CDH23: variants seen among roughly 807,000 people sequenced by gnomAD.
CDH23 encodes the protein cadherin-23.
CDH23 carries 189 observed loss-of-function variants against 317.1 expected under a neutral mutation model. The ratio of observed to expected loss-of-function variants is 0.60; its 90% CI spans 0.53 to 0.67. The LOEUF is 0.67. Ranked by LOEUF, CDH23 falls within the 30% of genes least tolerant of loss-of-function variation. The pLI, the probability that CDH23 is intolerant of heterozygous loss-of-function variation, is 0.00. For missense variants in CDH23, 4,401 were observed against 4,592.4 expected (o/e 0.96, Z 1.20); for synonymous variants, 1,839 against 1,876.8 (o/e 0.98, Z 0.52).
At chr10:71,696,446 G>A (rs571037328) in intron 22 of CDH23, among the ~76,000 whole-genome samples, 2 of 152,228 alleles carry the variant, frequency 1.3e-5, no homozygotes, top group African/African-American at 2.4e-5. Context: ...CTGTGGAGGA[G>A]ACAGACTTAG....
chr10:71,430,305 A>G (rs1849310080), intron 1 of CDH23, among the ~76,000 whole-genome samples: 1 of 151,836 alleles, frequency 6.6e-6, no homozygotes, highest in African/African-American at 2.4e-5. Context: ...AAAAAAAAAA[A>G]GTGAGAGCCC....
At chr10:71,484,079 G>A (rs1047223725) in intron 3 of CDH23, among the ~76,000 whole-genome samples, 1 of 152,172 alleles carries the variant, frequency 6.6e-6, no homozygotes, top group African/African-American at 2.4e-5. Context: ...GTGGTCCCAG[G>A]GCCTGTATCT....
intron 1 of CDH23, among the ~76,000 whole-genome samples, chr10:71,418,507 G>T (rs1029897598): frequency 2.6e-5 from 4 of 152,074 alleles, no homozygotes; most frequent in Non-Finnish European, 5.9e-5. Context: ...TTGCTGCCTT[G>T]TTAGCCCCAA....
At chr10:71,650,900 T>C (rs74145241) in intron 14 of CDH23, among the ~76,000 whole-genome samples, 8,967 of 152,326 alleles carry the variant, frequency 0.059, 356 homozygotes, top group African/African-American at 0.11. Context: ...TGGGCACCAC[T>C]GGACAGTACA....
intron 6 of CDH23, among the ~76,000 whole-genome samples, chr10:71,562,964 G>A (rs1857207617): frequency 6.6e-6 from 1 of 152,214 alleles, no homozygotes; most frequent in Admixed American, 6.5e-5. Flanking sequence ...GGCCCCACCT[G>A]ATTGGCATGG....
chr10:71,553,388 C>A (rs1332552061), intron 6 of CDH23, among the ~76,000 whole-genome samples: 1 of 152,204 alleles, frequency 6.6e-6, no homozygotes, highest in Admixed American at 6.5e-5. Context: ...CCCTAAGCCC[C>A]AGGGCACCAA....
intron 3 of CDH23, among the ~76,000 whole-genome samples, chr10:71,466,677 C>A (rs958144145): frequency 6.6e-6 from 1 of 151,988 alleles, no homozygotes; most frequent in Admixed American, 6.5e-5. Context: ...GTGAGTGCGT[C>A]CTTGTCCACA....
intron 9 of CDH23, among the ~76,000 whole-genome samples, chr10:71,581,110 C>A (rs1858597670): frequency 1.3e-5 from 2 of 152,248 alleles, no homozygotes; most frequent in African/African-American, 4.8e-5. Context: ...TCCTGGGTGG[C>A]CTGGCCAGTG....
At chr10:71,789,209 C>G (rs144963254) in intron 45 of CDH23, among the ~76,000 whole-genome samples, 167 bp downstream of exon 45, 17 of 152,176 alleles carry the variant, frequency 1.1e-4, no homozygotes, top group Non-Finnish European at 2.5e-4. Context: ...CTGGGGCTCC[C>G]GGGCCTCCTA....
At chr10:71,538,809 C>T (rs936573111) in intron 6 of CDH23, among the ~76,000 whole-genome samples, 1 of 152,202 alleles carries the variant, frequency 6.6e-6, no homozygotes, top group African/African-American at 2.4e-5. Context: ...TCTACTAAAT[C>T]CTCACCTGTG....
In CDH23 at chr10:71,711,163, A is replaced by G. The variant is rs960049991; in HGVS notation, c.3221-1502A>G. 3.3e-5 allele frequency among the ~76,000 whole-genome samples: 5 copies of G among 151,780 alleles called. No individual in the cohort carries two copies. The South Asian group carries it at 1.0e-3, about 31-fold the overall frequency. Reference sequence around the variant, plus strand: ...GCTGCCCACCCTCTGGAGACTTGTTATCACCCCTGAGTCCAGCCCTCACTT... The same window carrying G: ...GCTGCCCACCCTCTGGAGACTTGTTGTCACCCCTGAGTCCAGCCCTCACTT... On this transcript the variant is annotated intron_variant, in intron 27 of 69. Transcript: ENST00000224721.
chr10:71,733,532 C>G (rs1452956331), intron 32 of CDH23, among the ~76,000 whole-genome samples: 1 of 152,156 alleles, frequency 6.6e-6, no homozygotes, highest in Non-Finnish European at 1.5e-5. Flanking sequence ...ACAAAAGACT[C>G]CTATCACCTA....
Position 71,751,701 on chromosome 10 carries a change from G to A in CDH23, c.4845+9780G>A, listed in dbSNP as rs1319770717. 6.4e-7 allele frequency: 1 copy of A among 1,555,000 alleles called. No homozygotes were observed. The highest frequency in any genetic ancestry group is 8.7e-7 in the Non-Finnish European group (1 of 1,153,906). ...GGGAAGAAGACGTCTCCGGGGCCTG[G>A]AGGAGACAGGGGGGTGCTGGGCTCC... is the stretch of plus-strand genomic sequence containing the variant. On this transcript the variant is annotated intron_variant, in intron 38 of 69. Coordinates refer to ENST00000224721, the MANE Select transcript of CDH23 (RefSeq NM_022124.6). The surrounding 1 kb of genome is among the most constrained non-coding windows in gnomAD (Gnocchi z 4.9).
intron 32 of CDH23, 51 bp from the exon 33 acceptor site, chr10:71,734,189 G>T (rs1377823822): frequency 6.8e-7 from 1 of 1,474,678 alleles, no homozygotes; most frequent in East Asian, 2.4e-5. Flanking sequence ...AATGACCAGG[G>T]TTAACAAGGG....
chr10:71,526,101 G>T (rs867071336), intron 6 of CDH23, among the ~76,000 whole-genome samples: 7 of 152,228 alleles, frequency 4.6e-5, no homozygotes, highest in South Asian at 2.1e-4. Context: ...CATCGCTGAG[G>T]GGGTGGAGCA....
At chr10:71,665,345 CCT>C (rs1322115666) in intron 14 of CDH23, among the ~76,000 whole-genome samples, 1 of 152,218 alleles carries the variant, frequency 6.6e-6, no homozygotes, top group Non-Finnish European at 1.5e-5. Flanking sequence ...TCCCACTACC[CCT>C]GTGTGACTGC....
intron 40 of CDH23, 127 bp from the exon 41 acceptor site, chr10:71,779,140 T>C: frequency 1.2e-6 from 1 of 862,262 alleles, no homozygotes; most frequent in Non-Finnish European, 1.9e-6. Context: ...ATATCCGACT[T>C]CCCATATGAT....
intron 68 of CDH23, 23 bp downstream of exon 68, chr10:71,812,913 G>A (rs371694271): frequency 3.3e-5 from 53 of 1,611,094 alleles, no homozygotes; most frequent in African/African-American, 1.2e-4. Flanking sequence ...TGCAGGCTCC[G>A]CGCCCAGTCC....
Position 71,540,669 on chromosome 10 carries a change from G to A in CDH23, c.430-26073G>A, listed in dbSNP as rs1045060390. ...GCTCAGGAAGGAGTCTCCACCTACC[G>A]TCTCTCAGTTGTGCCGACCAGGGCC... On this transcript the variant is annotated intron_variant, in intron 6 of 69. Transcript: ENST00000224721. 4.6e-5 allele frequency among the ~76,000 whole-genome samples: 7 copies of A among 152,090 alleles called. No individual in the cohort carries two copies. The East Asian group carries it at 5.8e-4, about 13-fold the overall frequency.
Sources: allele counts gnomAD v4.1 joint callset (sites outside exome capture counted in the v4.1 genomes callset), GRCh38; gene constraint gnomAD v4.1.1; non-coding constraint Gnocchi (gnomAD v3.1); transcripts MANE v1.5; gene names NCBI Gene and HGNC (gene_info 2026-07-23, HGNC 2026-07-21).